The following MROH1 variants were observed in gnomAD, a reference collection of about 807,000 sequenced individuals.
The protein encoded by MROH1 is maestro heat like repeat family member 1.
In MROH1, 117 loss-of-function variants were observed where a neutral mutation model predicts 116.5. That is an observed-to-expected ratio of 1.00 (90% CI 0.86 to 1.17). The LOEUF (loss-of-function observed/expected upper bound fraction) is 1.17. Ranked by LOEUF, MROH1 falls within the 50% of genes most tolerant of loss-of-function variation. The pLI is 0.00. For synonymous variants in MROH1, 921 were observed against 583.9 expected, an observed-to-expected ratio of 1.58 and a Z score of -8.32; for missense variants, 1,873 against 1,338.5, an observed-to-expected ratio of 1.40 and a Z score of -6.23.
intron 14 of MROH1, among the ~76,000 whole-genome samples, chr8:144,224,471 G>A (rs1433952853): frequency 1.3e-5 from 2 of 151,882 alleles, no homozygotes; most frequent in African/African-American, 2.4e-5. Flanking sequence ...ACACTATGTT[G>A]CCCAGGTTGC....
intron 12 of MROH1, among the ~76,000 whole-genome samples, chr8:144,211,331 A>G (rs1588204748): frequency 6.6e-6 from 1 of 152,228 alleles, no homozygotes; most frequent in East Asian, 1.9e-4. Flanking sequence ...GGAGGATGAT[A>G]CTATAATTCT....
chr8:144,213,463 G>A (rs12114332), intron 12 of MROH1: 11,553 of 194,696 alleles, frequency 0.059, 1,437 homozygotes, highest in African/African-American at 0.25. Flanking sequence ...AGGATGCCCC[G>A]AATATTGTGT....
At position 144,212,940 on chromosome 8, in the gene MROH1, G is replaced by T. The variant is rs1834468444; in HGVS notation, c.1142-7660G>T. On this transcript the variant is annotated intron_variant, in intron 12 of 43. Transcript: ENST00000326134. ...TGTTCTCAGGAATCCAGTTCTCAAG[G>T]TTAATAGAATTGGACTATCCCATAA... 3 of 738,036 alleles carry T rather than the reference G, an allele frequency of 4.1e-6. No homozygotes were observed. In the Admixed American group the frequency reaches 5.2e-5, roughly 13 times the overall value. 45.7% of individuals were successfully genotyped at this position (738,036 alleles called of 1,614,324 possible).
At chr8:144,229,078 G>A (rs905329067) in intron 14 of MROH1, among the ~76,000 whole-genome samples, 5 of 152,236 alleles carry the variant, frequency 3.3e-5, no homozygotes, top group South Asian at 2.1e-4. Flanking sequence ...TCATGAGATC[G>A]CAGCAATTCA....
chr8:144,224,647 A>G (rs1204181139), intron 14 of MROH1, among the ~76,000 whole-genome samples: 1 of 152,230 alleles, frequency 6.6e-6, no homozygotes, highest in Non-Finnish European at 1.5e-5. Context: ...TGTGGGGTTC[A>G]GTGTATCGAC....
intron 35 of MROH1, 47 bp from the exon 36 acceptor site, chr8:144,258,730 G>A: frequency 1.4e-6 from 1 of 736,204 alleles, no homozygotes; most frequent in Non-Finnish European, 2.5e-6. Flanking sequence ...CAGGAAGGGA[G>A]GTAGGCGTGT....
chr8:144,168,316 A>G lies in MROH1; in HGVS notation c.44A>G (p.Asp15Gly), dbSNP rs573311573. 8.1e-6 allele frequency: 13 copies of G among 1,606,874 alleles called. No individual in the cohort carries two copies. The highest frequency in any genetic ancestry group is 1.9e-4 in the Middle Eastern group (1 of 5,130). Reference protein sequence around the residue: ...SMKKLASTLLDAITDKDPLVQ... With the variant: ...SMKKLASTLLGAITDKDPLVQ... Reference sequence around the variant, plus strand: ...GCAGAGCTGGCCTCCACCCTGCTGGACGCCATCACCGATAAGGACCCCCTG... The same window carrying G: ...GCAGAGCTGGCCTCCACCCTGCTGGGCGCCATCACCGATAAGGACCCCCTG... The change falls in exon 4 of 44, where the codon GAC becomes GGC. Residue 15 changes from aspartate to glycine, a missense_variant. Coordinates refer to ENST00000326134, the MANE Select transcript of MROH1 (RefSeq NM_032450.3).
intron 33 of MROH1, among the ~76,000 whole-genome samples, chr8:144,253,826 T>C (rs1843234689): frequency 2.0e-5 from 3 of 152,062 alleles, no homozygotes; most frequent in Admixed American, 6.6e-5. Context: ...TGACAGCACA[T>C]CACTGTTTCT....
At chr8:144,216,625 T>C (rs1480619830) in intron 12 of MROH1, among the ~76,000 whole-genome samples, 2 of 152,108 alleles carry the variant, frequency 1.3e-5, no homozygotes, top group Admixed American at 1.3e-4. Flanking sequence ...ACTGTTCACT[T>C]GGTTACCCTG....
intron 32 of MROH1, among the ~76,000 whole-genome samples, chr8:144,249,587 T>C (rs1842496760): frequency 6.6e-6 from 1 of 152,190 alleles, no homozygotes. Flanking sequence ...CATGCTATGC[T>C]GCTGCTGGAC....
chr8:144,250,564 G>A (rs1179074771), intron 33 of MROH1, 198 bp downstream of exon 33: 1 of 650,176 alleles, frequency 1.5e-6, no homozygotes, highest in Non-Finnish European at 2.8e-6. Flanking sequence ...CTCCTCTCCA[G>A]GCGTTTTGGG....
Position 144,255,783 on chromosome 8 carries a change from G to T in MROH1, c.3791+78G>T, listed in dbSNP as rs979806246. 1.5e-5 allele frequency: 10 copies of T among 683,798 alleles called. No homozygotes were observed. The African/African-American group carries it at 1.6e-4, about 11-fold the overall frequency. The allele number at this position is 683,798 out of a possible 1,614,324, so 42.4% of individuals were successfully genotyped here. ...GCGTGTGCACGCGCGTGGTGGGGGCGGACGGCAGATCTGAACCACGGGGAG... is the reference window on the plus strand; with the variant it reads ...GCGTGTGCACGCGCGTGGTGGGGGCTGACGGCAGATCTGAACCACGGGGAG... On this transcript the variant is annotated intron_variant, in intron 35 of 43. Transcript: ENST00000326134.
At chr8:144,210,589 TAA>T (rs751082878) in intron 12 of MROH1, among the ~76,000 whole-genome samples, 2 of 152,102 alleles carry the variant, frequency 1.3e-5, no homozygotes, top group Non-Finnish European at 2.9e-5. Flanking sequence ...CTCAGGAGGC[TAA>T]GACATGAGAA....
At position 144,260,020 on chromosome 8, in the gene MROH1, G is replaced by GCGGCCTGGC. The variant is rs1844704652; in HGVS notation, c.4156_4164dup (p.Gly1386_Ala1388dup). On this transcript the variant is annotated inframe_insertion, in exon 38 of 44. Coordinates refer to ENST00000326134, the MANE Select transcript of MROH1 (RefSeq NM_032450.3). Reference sequence around the variant, plus strand: ...GCCAGCGTGCGGAGGCTGGTGCTCCGCGGCCTGGCCAACCTGGCCTCCGGC... The same window carrying GCGGCCTGGC: ...GCCAGCGTGCGGAGGCTGGTGCTCCGCGGCCTGGCCGGCCTGGCCAACCTGGCCTCCGGC... The GCGGCCTGGC allele has an allele frequency of 1.4e-6, 1 of 726,326 alleles. No individual in the cohort carries two copies. Among genetic ancestry groups the GCGGCCTGGC allele is most frequent in the African/African-American group, 1.7e-5 (1 of 57,998 alleles). 45.0% of individuals were successfully genotyped at this position (726,326 alleles called of 1,614,324 possible). A position where few individuals can be genotyped will look rare whatever the true frequency, so the allele number is the denominator to read the frequency against.
chr8:144,192,433 G>T lies in MROH1; in HGVS notation c.948+32G>T, dbSNP rs565510915. ...GGCGGGCGTCAGGGGGCGGGTCCAG[G>T]TTCTGCACACCCTTCCGTGGGAAGT... On this transcript the variant is annotated intron_variant, in intron 10 of 43. Coordinates refer to ENST00000326134, the MANE Select transcript of MROH1 (RefSeq NM_032450.3). 94 of 1,533,984 alleles carry T rather than the reference G, an allele frequency of 6.1e-5. No homozygotes were observed. The African/African-American group carries it at 1.1e-3, about 17-fold the overall frequency.
At position 144,182,632 on chromosome 8, in the gene MROH1, T is replaced by C. The variant is rs1180915915; in HGVS notation, c.562+2109T>C. Among the ~76,000 whole-genome samples the C allele has an allele frequency of 6.6e-6, 1 of 151,932 alleles. No homozygotes were observed. The highest frequency in any genetic ancestry group is 1.5e-5 in the Non-Finnish European group (1 of 68,002). On this transcript the variant is annotated intron_variant, in intron 7 of 43. Coordinates refer to ENST00000326134, the MANE Select transcript of MROH1 (RefSeq NM_032450.3). This position sits in a 1 kb window ranked among gnomAD's most constrained non-coding sequence, Gnocchi z 4.1. ...GAATTGGAAGAGAAAGTTGTGGAAA[T>C]TTCCAGAAAATAGAGGAAAAAGGCA... is the stretch of plus-strand genomic sequence containing the variant.
Position 144,233,728 on chromosome 8 carries a change from T to C in MROH1, c.1339-5028T>C, listed in dbSNP as rs142000377. On this transcript the variant is annotated intron_variant, in intron 14 of 43. Transcript: ENST00000326134. The stretch of plus-strand genomic sequence containing the variant: ...CTGTGTGGAGATGGCGAAGTGCTTA[T>C]CCCACTTGTCCCTTCATGGACACTC... 2.7e-3 allele frequency among the ~76,000 whole-genome samples: 407 copies of C among 152,342 alleles called. 4 individuals carry two copies. The highest frequency in any genetic ancestry group is 0.014 in the Middle Eastern group (4 of 294).
intron 1 of MROH1, among the ~76,000 whole-genome samples, chr8:144,154,035 C>T (rs1247317834): frequency 9.9e-5 from 15 of 151,764 alleles, no homozygotes; most frequent in Middle Eastern, 3.4e-3. Context: ...GCTGGGACTA[C>T]GGGCGTGAGC....
intron 10 of MROH1, among the ~76,000 whole-genome samples, chr8:144,195,677 A>G (rs1431743598): frequency 2.0e-5 from 3 of 151,838 alleles, no homozygotes; most frequent in African/African-American, 7.3e-5. Flanking sequence ...TTATATATGT[A>G]AAAATATTTG....
Sources: gnomAD v4.1 joint callset for allele counts (sites outside exome capture counted in the v4.1 genomes callset) on GRCh38, gnomAD v4.1.1 for gene constraint, Gnocchi (gnomAD v3.1) non-coding constraint, MANE v1.5 for transcripts, NCBI Gene and HGNC (gene_info 2026-07-23, HGNC 2026-07-21) for gene names.